Variants in AGTPBP1 observed in about 807,000 individuals in gnomAD.
The protein encoded by AGTPBP1 is ATP/GTP binding carboxypeptidase 1, also known as cytosolic carboxypeptidase 1.
AGTPBP1 carries 70 observed loss-of-function variants against 143.9 expected under a neutral mutation model. The observed-to-expected ratio is 0.49, with a 90% confidence interval of 0.40 to 0.59. The LOEUF is 0.59. AGTPBP1 is among the 20% of genes least tolerant of loss of function. AGTPBP1 has a pLI of 0.00. For synonymous variants in AGTPBP1, 463 were observed against 500.2 expected (o/e 0.93, Z 0.99); for missense variants, 1,229 against 1,464.5 (o/e 0.84, Z 2.62).
chr9:85,672,397 G>A (rs1438865333), intron 7 of AGTPBP1, among the ~76,000 whole-genome samples, 153 bp downstream of exon 7: 1 of 152,128 alleles, frequency 6.6e-6, no homozygotes, highest in Non-Finnish European at 1.5e-5. Context: ...CATCACTTTT[G>A]TTGTGGTTGG....
intron 1 of AGTPBP1, among the ~76,000 whole-genome samples, chr9:85,722,380 T>A (rs1838186650): frequency 6.6e-6 from 1 of 152,216 alleles, no homozygotes; most frequent in Non-Finnish European, 1.5e-5. Context: ...TTTTCACTCT[T>A]TTTTCTCTAA....
At chr9:85,677,619 T>G in intron 5 of AGTPBP1, 37 bp from the exon 6 acceptor site, 7 of 1,458,352 alleles carry the variant, frequency 4.8e-6, no homozygotes, top group Non-Finnish European at 6.4e-6. Flanking sequence ...AAACAACAAA[T>G]TAAAAAAAAA....
chr9:85,550,180 AGT>A (rs35611324), intron 25 of AGTPBP1, among the ~76,000 whole-genome samples: 32,965 of 149,402 alleles, frequency 0.22, 4,358 homozygotes, highest in East Asian at 0.49. Context: ...AGAGTTTGTG[AGT>A]GTGTGTGTGT....
At chr9:85,719,441 G>C (rs929571199) in intron 1 of AGTPBP1, among the ~76,000 whole-genome samples, 5 of 152,128 alleles carry the variant, frequency 3.3e-5, no homozygotes, top group Non-Finnish European at 7.3e-5. Flanking sequence ...GTGAATGGGA[G>C]GTCACTCATG....
intron 1 of AGTPBP1, among the ~76,000 whole-genome samples, chr9:85,729,919 T>G (rs577811562): frequency 2.0e-5 from 3 of 152,270 alleles, no homozygotes; most frequent in African/African-American, 7.2e-5. Context: ...TATAAAGATT[T>G]AGAAAAGTTG....
chr9:85,570,327 T>A (rs961082177), intron 25 of AGTPBP1, among the ~76,000 whole-genome samples: 1 of 152,208 alleles, frequency 6.6e-6, no homozygotes, highest in Non-Finnish European at 1.5e-5. Context: ...TTGACCACGG[T>A]TAACTGAAAC....
chr9:85,700,753 T>C (rs535629209), intron 2 of AGTPBP1, among the ~76,000 whole-genome samples: 3 of 152,302 alleles, frequency 2.0e-5, no homozygotes, highest in Admixed American at 6.5e-5. Context: ...AGAAGTCACA[T>C]ATTCAGGAAA....
At chr9:85,692,568 C>G in intron 3 of AGTPBP1, 121 bp downstream of exon 3, 1 of 1,271,364 alleles carries the variant, frequency 7.9e-7, no homozygotes. Context: ...GCCACCACAC[C>G]CGGCCTGAAA....
chr9:85,623,451 G>A (rs1018186347), intron 14 of AGTPBP1, among the ~76,000 whole-genome samples: 2 of 152,170 alleles, frequency 1.3e-5, no homozygotes, highest in African/African-American at 4.8e-5. Flanking sequence ...CCTGCCCTAA[G>A]CTCTCTTTAA....
Position 85,589,663 on chromosome 9 carries a change from C to A in AGTPBP1, c.2587G>T (p.Glu863Ter). The A allele has an allele frequency of 6.2e-7, 1 of 1,603,216 alleles. No individual in the cohort carries two copies. Among genetic ancestry groups the A allele is most frequent in the Non-Finnish European group, 8.5e-7 (1 of 1,176,896 alleles). ...ATTTGCTGAGGATTGTGTGCTGATTCCAATTTTTGAAGATGCATCTTGATA... is the reference window on the plus strand; with the variant it reads ...ATTTGCTGAGGATTGTGTGCTGATTACAATTTTTGAAGATGCATCTTGATA... ...STLQMHLQKL[E>*]SAHNPQQIYF... Residue 863 changes from glutamate (E) to a stop codon, truncating the protein, a stop_gained, in exon 20 of 26, where the codon GAA becomes TAA. Coordinates refer to ENST00000357081, the MANE Select transcript of AGTPBP1 (RefSeq NM_001330701.2). LOFTEE classifies it high-confidence loss of function.
the AGTPBP1 span, among the ~76,000 whole-genome samples, chr9:85,749,750 A>T: frequency 6.6e-6 from 1 of 152,204 alleles, no homozygotes; most frequent in African/African-American, 2.4e-5. Context: ...TGGGATAATT[A>T]AATAGATATA....
chr9:85,571,008 T>A lies in AGTPBP1; in HGVS notation c.3503+4307A>T, dbSNP rs1231151528. On this transcript the variant is annotated intron_variant, in intron 25 of 25. Transcript: ENST00000357081. Reference sequence around the variant, plus strand: ...TAATTTAAAAACTAGACTTAACCCTTAGGTGTAGAATCAGAATGGAACATA... The same window carrying A: ...TAATTTAAAAACTAGACTTAACCCTAAGGTGTAGAATCAGAATGGAACATA... 4.6e-5 allele frequency among the ~76,000 whole-genome samples: 7 copies of A among 152,252 alleles called. No homozygotes were observed. The East Asian group carries it at 1.3e-3, about 29-fold the overall frequency.
At chr9:85,549,791 T>C (rs539020777) in intron 25 of AGTPBP1, among the ~76,000 whole-genome samples, 42 of 152,298 alleles carry the variant, frequency 2.8e-4, no homozygotes, top group African/African-American at 9.6e-4. Flanking sequence ...AAAAGAAGCA[T>C]CTTCACAAGA....
In AGTPBP1 at chr9:85,578,962, G is replaced by A. The variant is rs1828068133; in HGVS notation, c.3300C>T (p.Thr1100=). Reference sequence around the variant, plus strand: ...CACAGCCACATAAAGTACTCTCCATGGTATAACTTCTTTGTACTCCTATTT... The same window carrying A: ...CACAGCCACATAAAGTACTCTCCATAGTATAACTTCTTTGTACTCCTATTT... The part of the protein sequence containing the change: ...WREIGVQRSY[T]MESTLCGCDQ... The change falls in exon 24 of 26, where the codon ACC becomes ACT. Residue 1100 remains threonine, a synonymous_variant. Transcript: ENST00000357081. 1.9e-6 allele frequency: 3 copies of A among 1,613,180 alleles called. No individual in the cohort carries two copies. Among genetic ancestry groups the A allele is most frequent in the East Asian group, 4.5e-5 (2 of 44,742 alleles).
At chr9:85,580,165 G>A (rs1477271432) in intron 23 of AGTPBP1, among the ~76,000 whole-genome samples, 2 of 151,120 alleles carry the variant, frequency 1.3e-5, no homozygotes, top group African/African-American at 2.4e-5. Context: ...CTGAACCCAG[G>A]AGGCAGAGGT....
At chr9:85,601,131 C>G (rs1373322606) in intron 17 of AGTPBP1, among the ~76,000 whole-genome samples, 1 of 152,162 alleles carries the variant, frequency 6.6e-6, no homozygotes, top group Non-Finnish European at 1.5e-5. Context: ...GGCTGAGGCA[C>G]ACATTCCCCA....
intron 10 of AGTPBP1, among the ~76,000 whole-genome samples, chr9:85,656,927 C>T (rs1392671505): frequency 6.6e-6 from 1 of 151,880 alleles, no homozygotes; most frequent in Non-Finnish European, 1.5e-5. Context: ...CATGGCTTTA[C>T]GGAATCCCCT....
At chr9:85,635,885 G>A (rs1832008364) in intron 13 of AGTPBP1, among the ~76,000 whole-genome samples, 1 of 150,966 alleles carries the variant, frequency 6.6e-6, no homozygotes, top group Admixed American at 6.6e-5. Flanking sequence ...TTAAACCTTA[G>A]CTCTAAGATG....
At chr9:85,766,509 T>G in the AGTPBP1 span, among the ~76,000 whole-genome samples, 1 of 152,176 alleles carries the variant, frequency 6.6e-6, no homozygotes, top group Non-Finnish European at 1.5e-5. Flanking sequence ...GGTTTCTATT[T>G]CATGTGGGAT....
Sources: allele counts gnomAD v4.1 joint callset (sites outside exome capture counted in the v4.1 genomes callset), GRCh38; gene constraint gnomAD v4.1.1; transcripts MANE v1.5; gene names NCBI Gene and HGNC (gene_info 2026-07-23, HGNC 2026-07-21).